MAP3K4: variants seen among roughly 807,000 people sequenced by gnomAD.
MAP3K4 encodes the protein MAP three kinase 1.
A neutral mutation model predicts 185.6 loss-of-function variants in MAP3K4; 67 were observed. The observed-to-expected ratio is 0.36, with a 90% CI of 0.30 to 0.44. The LOEUF (loss-of-function observed/expected upper bound fraction) is 0.44. Ranked by LOEUF, MAP3K4 falls within the 20% of genes least tolerant of loss-of-function variation. MAP3K4 has a pLI of 1.00. For synonymous variants in MAP3K4, 702 were observed against 710.4 expected, an observed-to-expected ratio of 0.99 and a Z score of 0.19; for missense variants, 1,551 against 1,995.1, an observed-to-expected ratio of 0.78 and a Z score of 4.24.
rs1433915345 is a variant in MAP3K4, at chr6:161,034,913, C to G, written c.343+464C>G. Among the ~76,000 whole-genome samples, 3 of 152,066 alleles carry G rather than the reference C, an allele frequency of 2.0e-5. No individual in the cohort carries two copies. The highest frequency in any genetic ancestry group is 2.9e-5 in the Non-Finnish European group (2 of 68,008). ...GGGGTGCTATCTTTAGTGTGTAGGGCTCTCTTTTTCATACTAAGCACAGTG... is the reference window on the plus strand; with the variant it reads ...GGGGTGCTATCTTTAGTGTGTAGGGGTCTCTTTTTCATACTAAGCACAGTG... On this transcript the variant is annotated intron_variant, in intron 2 of 26. Transcript: ENST00000392142. This position sits in a 1 kb window ranked among gnomAD's most constrained non-coding sequence, Gnocchi z 4.4.
Position 161,051,248 on chromosome 6 carries a change from A to AT in MAP3K4, c.1707+1279dup, listed in dbSNP as rs199944309. On this transcript the variant is annotated intron_variant, in intron 3 of 26. Transcript: ENST00000392142. The surrounding 1 kb of genome is among the most constrained non-coding windows in gnomAD (Gnocchi z 4.2). ...TTGTTATTTTTATTTTTTTAACTTC[A>AT]TTTTTTTTTTACACAGCCTGGCTTG... 8.6e-3 allele frequency among the ~76,000 whole-genome samples: 1,285 copies of AT among 149,650 alleles called. 9 individuals carry two copies. Among genetic ancestry groups the AT allele is most frequent in the Non-Finnish European group, 0.011 (759 of 67,116 alleles).
chr6:161,001,048 A>G (rs191298187), intron 1 of MAP3K4, among the ~76,000 whole-genome samples: 802 of 20,144 alleles, frequency 0.04, 32 homozygotes, highest in Middle Eastern at 0.18. Flanking sequence ...TAATATACAC[A>G]TATGTATATA....
Position 161,086,063 on chromosome 6 carries a change from G to A in MAP3K4, c.2373-316G>A, listed in dbSNP as rs1785696746. ...TTTCTTTTTAGATTACGAGCCAGGAGTTAAGAACTTAACCTTAAACTCCAA... is the reference window on the plus strand; with the variant it reads ...TTTCTTTTTAGATTACGAGCCAGGAATTAAGAACTTAACCTTAAACTCCAA... On this transcript the variant is annotated intron_variant, in intron 7 of 26. Transcript: ENST00000392142. The surrounding 1 kb of genome is among the most constrained non-coding windows in gnomAD (Gnocchi z 4.8). Among the ~76,000 whole-genome samples the A allele has an allele frequency of 6.6e-6, 1 of 152,190 alleles. No homozygotes were observed. Among genetic ancestry groups the A allele is most frequent in the Non-Finnish European group, 1.5e-5 (1 of 68,030 alleles).
rs781424875 is a variant in MAP3K4 at position 161,093,807 on chromosome 6, A to G, written c.3383A>G (p.His1128Arg). The G allele has an allele frequency of 6.2e-7, 1 of 1,613,808 alleles. No individual in the cohort carries two copies. The highest frequency in any genetic ancestry group is 1.1e-5 in the South Asian group (1 of 91,022). ...GCCTTGATGAATGAATGCATTGGCC[A>G]TGTCATAGGAAAACCACACAGTCCT... ...LQALMNECIG[H>R]VIGKPHSPVT... The change falls in exon 15 of 27, where the codon CAT becomes CGT. Residue 1128 changes from histidine to arginine, a missense_variant. Physicochemically the swap from His to Arg is conservative, Grantham distance 29 (BLOSUM62 0). Around this residue, in one of 16 missense-constraint regions of MAP3K4, gnomAD observed 272 missense variants for 301.2 expected, o/e 0.90. Transcript: ENST00000392142. This position sits in a 1 kb window ranked among gnomAD's most constrained non-coding sequence, Gnocchi z 5.2.
At chr6:161,026,071 A>C (rs150798046) in intron 1 of MAP3K4, among the ~76,000 whole-genome samples, 3 of 152,226 alleles carry the variant, frequency 2.0e-5, no homozygotes, top group Non-Finnish European at 1.5e-5. Context: ...TTTCAGGGAC[A>C]TGCTCCCACC....
chr6:161,084,645 C>T lies in MAP3K4; in HGVS notation c.2372+28C>T, dbSNP rs770633697. On this transcript the variant is annotated intron_variant, in intron 7 of 26. Transcript: ENST00000392142. The surrounding 1 kb of genome is among the most constrained non-coding windows in gnomAD (Gnocchi z 4.6). ...TGGAGTTGTGCTTCCTTTCCCCTTC[C>T]ACTTCTTATCTCGTAGTTTCCTTCC... The T allele has an allele frequency of 4.8e-6, 6 of 1,242,800 alleles. No homozygotes were observed. The Admixed American group carries it at 8.4e-5, about 17-fold the overall frequency. 77.0% of individuals were successfully genotyped at this position (1,242,800 alleles called of 1,614,324 possible).
chr6:161,036,569 T>C (rs1783173183), intron 2 of MAP3K4, among the ~76,000 whole-genome samples: 2 of 152,348 alleles, frequency 1.3e-5, no homozygotes, highest in South Asian at 4.1e-4. Context: ...TTTAATGTTT[T>C]ATGAACTTTT....
At chr6:161,058,020 A>G (rs921058014) in intron 3 of MAP3K4, among the ~76,000 whole-genome samples, 1 of 152,222 alleles carries the variant, frequency 6.6e-6, no homozygotes, top group African/African-American at 2.4e-5. Context: ...AGTAATATTG[A>G]GAAGACTAGT....
rs770979266 is a variant in MAP3K4 at position 161,004,617 on chromosome 6, TAA to T, written c.152+12537_152+12538del. On this transcript the variant is annotated intron_variant, in intron 1 of 26. Coordinates refer to ENST00000392142, the MANE Select transcript of MAP3K4 (RefSeq NM_005922.4). Reference sequence around the variant, plus strand: ...ATTTGATTTTGGTAAGGTAAAATATTAAAAGTTGCCAGGAGATTTGAAAACTT... The same window carrying T: ...ATTTGATTTTGGTAAGGTAAAATATTAAGTTGCCAGGAGATTTGAAAACTT... Among the ~76,000 whole-genome samples the T allele has an allele frequency of 1.7e-3, 260 of 152,340 alleles. 4 individuals carry two copies. The highest frequency in any genetic ancestry group is 3.4e-3 in the Middle Eastern group (1 of 294).
chr6:161,113,705 A>T (rs1778456696), intron 25 of MAP3K4, among the ~76,000 whole-genome samples: 1 of 152,146 alleles, frequency 6.6e-6, no homozygotes. Flanking sequence ...TTAACAAAAG[A>T]AAACATGAAA....
chr6:161,080,799 G>A lies in MAP3K4; in HGVS notation c.2098-82G>A. 1 of 1,308,824 alleles carries A rather than the reference G, an allele frequency of 7.6e-7. No individual in the cohort carries two copies. The highest frequency in any genetic ancestry group is 1.3e-5 in the South Asian group (1 of 78,778). The allele number at this position is 1,308,824 out of a possible 1,614,324, so 81.1% of individuals were successfully genotyped here. A position where few individuals can be genotyped will look rare whatever the true frequency, so the allele number is the denominator to read the frequency against. On this transcript the variant is annotated intron_variant, in intron 5 of 26. Coordinates refer to ENST00000392142, the MANE Select transcript of MAP3K4 (RefSeq NM_005922.4). This position sits in a 1 kb window ranked among gnomAD's most constrained non-coding sequence, Gnocchi z 4.8. ...CCCCGGCCCGCCCCCACTTTACCCT[G>A]CTGATGTGTAGCTTTCAGGTGAGAG...
rs767125415 is a variant in MAP3K4, at chr6:161,108,422, A to G, written c.4120-321A>G. Among the ~76,000 whole-genome samples the G allele has an allele frequency of 5.3e-5, 8 of 152,126 alleles. No homozygotes were observed. The highest frequency in any genetic ancestry group is 2.0e-4 in the Admixed American group (3 of 15,274). ...GCTGTCTGTGGAGACATCCGGTTTG[A>G]CGTGGAAGGAGGAGAGGAGTGGAGA... On this transcript the variant is annotated intron_variant, in intron 21 of 26. Coordinates refer to ENST00000392142, the MANE Select transcript of MAP3K4 (RefSeq NM_005922.4). The surrounding 1 kb of genome is among the most constrained non-coding windows in gnomAD (Gnocchi z 5.7).
rs2114849032 is a variant in MAP3K4, at chr6:161,084,320, C to A, written c.2256-181C>A. ...TAGTAGAACAAAGGTAGGTACATGT[C>A]ATAATCCAGATTCCTATTTTTCCAC... On this transcript the variant is annotated intron_variant, in intron 6 of 26. Transcript: ENST00000392142. This position sits in a 1 kb window ranked among gnomAD's most constrained non-coding sequence, Gnocchi z 4.6. 6.6e-6 allele frequency among the ~76,000 whole-genome samples: 1 copy of A among 152,294 alleles called. No homozygotes were observed. The highest frequency in any genetic ancestry group is 1.9e-4 in the East Asian group (1 of 5,180).
At position 161,106,720 on chromosome 6, in the gene MAP3K4, G is replaced by A. The variant is rs1383639132; in HGVS notation, c.4048+15G>A. 3 of 1,599,008 alleles carry A rather than the reference G, an allele frequency of 1.9e-6. No individual in the cohort carries two copies. The highest frequency in any genetic ancestry group is 2.6e-6 in the Non-Finnish European group (3 of 1,170,768). On this transcript the variant is annotated intron_variant, in intron 20 of 26. Transcript: ENST00000392142. This position sits in a 1 kb window ranked among gnomAD's most constrained non-coding sequence, Gnocchi z 4.9. ...AAACAAAATTGGTAAGGAAATTAAG[G>A]AGCATGATGTCAAGATAGTCCCTGT...
chr6:161,021,580 G>GTCC (rs1287725157), intron 1 of MAP3K4, among the ~76,000 whole-genome samples: 1 of 152,170 alleles, frequency 6.6e-6, no homozygotes, highest in African/African-American at 2.4e-5. Flanking sequence ...TCCAGGTTAG[G>GTCC]TCCTATCTGC....
chr6:161,111,960 T>A lies in MAP3K4; in HGVS notation c.4519+2T>A. The A allele has an allele frequency of 6.2e-7, 1 of 1,613,856 alleles. No homozygotes were observed. Among genetic ancestry groups the A allele is most frequent in the Non-Finnish European group, 8.5e-7 (1 of 1,179,902 alleles). ...TGAACAGCACCCTGGGGACAGCAGG[T>A]AGGGACCAGCCTGGTTGTTCTTTGC... is the stretch of plus-strand genomic sequence containing the variant. On this transcript the variant is annotated splice_donor_variant, in intron 24 of 26. Coordinates refer to ENST00000392142, the MANE Select transcript of MAP3K4 (RefSeq NM_005922.4). LOFTEE classifies it high-confidence loss of function.
chr6:161,021,316 T>G (rs1211013406), intron 1 of MAP3K4, among the ~76,000 whole-genome samples: 1 of 152,194 alleles, frequency 6.6e-6, no homozygotes, highest in Non-Finnish European at 1.5e-5. Context: ...CGTAGTCTGT[T>G]CCTGCTCCTG....
At position 161,107,046 on chromosome 6, in the gene MAP3K4, G is replaced by GCACA. The variant is rs1229616872; in HGVS notation, c.4048+342_4048+343insACAC. Among the ~76,000 whole-genome samples the GCACA allele has an allele frequency of 5.6e-5, 6 of 106,560 alleles. No individual in the cohort carries two copies. The highest frequency in any genetic ancestry group is 9.8e-5 in the Non-Finnish European group (5 of 50,946). 69.9% of individuals were successfully genotyped at this position (106,560 alleles called of 152,430 possible). A position where few individuals can be genotyped will look rare whatever the true frequency, so the allele number is the denominator to read the frequency against. ...TTTCTCTCTCTCTCTCTACACACGCGCGCGCACACACACACACACACACAC... is the reference window on the plus strand; with the variant it reads ...TTTCTCTCTCTCTCTCTACACACGCGCACACGCGCACACACACACACACACACAC... On this transcript the variant is annotated intron_variant, in intron 20 of 26. Coordinates refer to ENST00000392142, the MANE Select transcript of MAP3K4 (RefSeq NM_005922.4). This position sits in a 1 kb window ranked among gnomAD's most constrained non-coding sequence, Gnocchi z 6.2.
rs1034790163 is a variant in MAP3K4, at chr6:161,098,486, C to T, written c.3674+59C>T. On this transcript the variant is annotated intron_variant, in intron 17 of 26. Coordinates refer to ENST00000392142, the MANE Select transcript of MAP3K4 (RefSeq NM_005922.4). The surrounding 1 kb of genome is among the most constrained non-coding windows in gnomAD (Gnocchi z 4.4). ...CCACCCCTTACATGCGCTTACACAG[C>T]AACCATAGTGTTAGGGTGTGTGCCG... 8 of 1,556,642 alleles carry T rather than the reference C, an allele frequency of 5.1e-6. No homozygotes were observed. The highest frequency in any genetic ancestry group is 6.1e-6 in the Non-Finnish European group (7 of 1,145,880).
Sources: allele counts gnomAD v4.1 joint callset (sites outside exome capture counted in the v4.1 genomes callset), GRCh38; gene constraint gnomAD v4.1.1; regional missense constraint gnomAD v4.1.1; non-coding constraint Gnocchi (gnomAD v3.1); transcripts MANE v1.5; gene names NCBI Gene and HGNC (gene_info 2026-07-23, HGNC 2026-07-21).